The following NTF3 variants were observed in gnomAD, a reference collection of about 807,000 sequenced individuals.
NTF3 encodes neurotrophin-3.
NTF3 carries 8 observed loss-of-function variants against 26.3 expected under a neutral mutation model. The observed-to-expected ratio is 0.30, with a 90% confidence interval of 0.18 to 0.55. NTF3 has a LOEUF of 0.55. NTF3 is among the 20% of genes least tolerant of loss of function. The probability of loss-of-function intolerance (pLI) is 0.93; values close to 1 mark genes in which losing one functional copy is unlikely to be tolerated. For synonymous variants in NTF3, 154 were observed against 145.5 expected, an observed-to-expected ratio of 1.06 and a Z score of -0.42; for missense variants, 276 against 352.9, an observed-to-expected ratio of 0.78 and a Z score of 1.75.
intron 1 of NTF3, among the ~76,000 whole-genome samples, chr12:5,469,035 C>T (rs944702173): frequency 6.6e-6 from 1 of 151,850 alleles, no homozygotes; most frequent in Non-Finnish European, 1.5e-5. Context: ...GTGGGAGGAT[C>T]GCTTGAGCCT....
At chr12:5,468,894 G>A (rs1352121156) in intron 1 of NTF3, among the ~76,000 whole-genome samples, 1 of 152,194 alleles carries the variant, frequency 6.6e-6, no homozygotes, top group Admixed American at 6.5e-5. Context: ...CCCGAGGCAG[G>A]TGGATCGCTT....
At position 5,494,124 on chromosome 12, in the gene NTF3, G is replaced by A; in HGVS notation, c.19-70G>A. On this transcript the variant is annotated intron_variant, in intron 1 of 1. Coordinates refer to ENST00000423158, the MANE Select transcript of NTF3 (RefSeq NM_001102654.2). The surrounding 1 kb of genome is among the most constrained non-coding windows in gnomAD (Gnocchi z 8.3). ...CCCTCACAGGGCTACTCAGCCTCAG[G>A]TAGCTGGTGCCAGAATAACACAGAC... 6.7e-7 allele frequency: 1 copy of A among 1,496,800 alleles called. No homozygotes were observed. The highest frequency in any genetic ancestry group is 1.2e-5 in the South Asian group (1 of 82,070). 92.7% of individuals were successfully genotyped at this position (1,496,800 alleles called of 1,614,324 possible).
intron 1 of NTF3, among the ~76,000 whole-genome samples, chr12:5,487,304 G>C (rs1004706135): frequency 6.6e-6 from 1 of 152,210 alleles, no homozygotes; most frequent in Non-Finnish European, 1.5e-5. Context: ...CGGGGCCAGA[G>C]GAGGGTATGC....
At chr12:5,450,701 T>G (rs1237303656) in intron 1 of NTF3, among the ~76,000 whole-genome samples, 1 of 152,242 alleles carries the variant, frequency 6.6e-6, no homozygotes, top group Non-Finnish European at 1.5e-5. Context: ...AGCAATTTTA[T>G]TATCTCATTT....
At chr12:5,472,638 C>T (rs1940679060) in intron 1 of NTF3, among the ~76,000 whole-genome samples, 1 of 152,134 alleles carries the variant, frequency 6.6e-6, no homozygotes, top group Admixed American at 6.5e-5. Context: ...CCTCACAATG[C>T]CGGGTGACAA....
At chr12:5,437,930 T>C (rs73039971) in intron 1 of NTF3, among the ~76,000 whole-genome samples, 13,096 of 152,156 alleles carry the variant, frequency 0.086, 619 homozygotes, top group South Asian at 0.12. Flanking sequence ...CCTGGGTAGA[T>C]GGGGCATTTG....
intron 1 of NTF3, among the ~76,000 whole-genome samples, chr12:5,477,989 C>A (rs565650894): frequency 6.6e-6 from 1 of 152,164 alleles, no homozygotes. Context: ...TGACTGCTTT[C>A]GTCTCAAAGC....
At chr12:5,489,064 G>T (rs1940902774) in intron 1 of NTF3, among the ~76,000 whole-genome samples, 2 of 152,212 alleles carry the variant, frequency 1.3e-5, no homozygotes, top group African/African-American at 4.8e-5. Flanking sequence ...GTGAGATGGT[G>T]CACTCCGTGT....
intron 1 of NTF3, among the ~76,000 whole-genome samples, chr12:5,455,513 G>C (rs1940432102): frequency 7.3e-6 from 1 of 137,404 alleles, no homozygotes; most frequent in Non-Finnish European, 1.5e-5. Flanking sequence ...CTATCCATCT[G>C]GCCTCTGTAA....
chr12:5,476,365 A>G, intron 1 of NTF3, among the ~76,000 whole-genome samples: 1 of 152,096 alleles, frequency 6.6e-6, no homozygotes, highest in Non-Finnish European at 1.5e-5. Context: ...GCTTGAGGAG[A>G]TAGGAGCAGC....
intron 1 of NTF3, among the ~76,000 whole-genome samples, chr12:5,446,981 G>A (rs910289300): frequency 6.6e-6 from 1 of 152,190 alleles, no homozygotes; most frequent in Non-Finnish European, 1.5e-5. Context: ...GCAGCGGGGT[G>A]GAGACAGGCT....
chr12:5,484,838 T>C (rs1940848969), intron 1 of NTF3, among the ~76,000 whole-genome samples: 1 of 152,216 alleles, frequency 6.6e-6, no homozygotes, highest in Non-Finnish European at 1.5e-5. Flanking sequence ...GCTCAGGAAC[T>C]GAGCCCCCAA....
intron 1 of NTF3, among the ~76,000 whole-genome samples, chr12:5,447,510 G>C (rs1940320840): frequency 1.3e-5 from 2 of 152,174 alleles, no homozygotes; most frequent in African/African-American, 4.8e-5. Context: ...GAGGAACCAA[G>C]TTCTAGTTCT....
chr12:5,432,454 C>T (rs1371970331), intron 1 of NTF3, 112 bp downstream of exon 1: 15 of 1,181,992 alleles, frequency 1.3e-5, no homozygotes, highest in Non-Finnish European at 2.4e-6. Context: ...CATCCCGCCC[C>T]ACCCCCATCG....
chr12:5,444,069 G>A (rs1039885364), intron 1 of NTF3, among the ~76,000 whole-genome samples: 7 of 133,656 alleles, frequency 5.2e-5, no homozygotes, highest in African/African-American at 9.9e-5. Context: ...ACATCTTCCC[G>A]TTCCCTCTTC....
chr12:5,458,635 G>T (rs1428940276), intron 1 of NTF3, among the ~76,000 whole-genome samples: 1 of 152,198 alleles, frequency 6.6e-6, no homozygotes, highest in Non-Finnish European at 1.5e-5. Context: ...AACTTCCTTG[G>T]GGTGGCACTA....
chr12:5,486,891 G>A (rs1025150005), intron 1 of NTF3, among the ~76,000 whole-genome samples: 1 of 149,684 alleles, frequency 6.7e-6, no homozygotes, highest in African/African-American at 2.5e-5. Context: ...GTGTGTGTGT[G>A]TGTGTGTGTG....
chr12:5,442,840 C>A (rs1446982941), intron 1 of NTF3, among the ~76,000 whole-genome samples: 4 of 152,178 alleles, frequency 2.6e-5, no homozygotes, highest in African/African-American at 9.7e-5. Flanking sequence ...AGCCGCTGTG[C>A]GAGGTGCCGT....
At chr12:5,437,842 A>G (rs991961275) in intron 1 of NTF3, among the ~76,000 whole-genome samples, 3 of 152,200 alleles carry the variant, frequency 2.0e-5, no homozygotes, top group African/African-American at 4.8e-5. Flanking sequence ...TTGTGCATGG[A>G]CAGGCATGTG....
Sources: gnomAD v4.1 joint callset for allele counts (sites outside exome capture counted in the v4.1 genomes callset) on GRCh38, gnomAD v4.1.1 for gene constraint, Gnocchi (gnomAD v3.1) non-coding constraint, MANE v1.5 for transcripts, NCBI Gene and HGNC (gene_info 2026-07-23, HGNC 2026-07-21) for gene names.